UROC1: variants seen among roughly 807,000 people sequenced by gnomAD.
UROC1 encodes the protein urocanate hydratase.
Under a neutral mutation model 89.5 loss-of-function variants are expected in UROC1, and 79 were observed. The observed-to-expected ratio is 0.88, with a 90% CI of 0.74 to 1.06. The LOEUF is 1.06. Among genes scored for constraint, UROC1 ranks in the 50% least tolerant of loss-of-function variants. UROC1 has a pLI of 0.00. For missense variants in UROC1, 885 were observed against 907.8 expected, an observed-to-expected ratio of 0.97 and a Z score of 0.32; for synonymous variants, 361 against 354.8, an observed-to-expected ratio of 1.02 and a Z score of -0.20.
rs376229602 is a variant in UROC1 at position 126,500,682 on chromosome 3, C to T, written c.1145+13G>A. 53 of 1,614,038 alleles carry T rather than the reference C, an allele frequency of 3.3e-5. No homozygotes were observed. The highest frequency in any genetic ancestry group is 4.3e-5 in the Non-Finnish European group (51 of 1,180,052). ...GGCCAAATGCTTCTGCCACCCCCAA[C>T]TCCAAGTAGCACCTTTCCTGGACCA... On this transcript the variant is annotated intron_variant, in intron 11 of 19. Coordinates refer to ENST00000290868, the MANE Select transcript of UROC1 (RefSeq NM_144639.3).
intron 18 of UROC1, among the ~76,000 whole-genome samples, chr3:126,483,950 G>A (rs1270043127): frequency 6.6e-6 from 1 of 152,194 alleles, no homozygotes; most frequent in Non-Finnish European, 1.5e-5. Flanking sequence ...ATCCTGGCCT[G>A]AAGCAATCCT....
rs138202696 is a variant in UROC1 at position 126,515,011 on chromosome 3, G to A, written c.126+2583C>T. ...GTCAAGCAGCAGGACTCAGGGAGCC[G>A]CCCGTAGCCCTCAGAACTGCACCCG... On this transcript the variant is annotated intron_variant, in intron 1 of 19. Transcript: ENST00000290868. Among the ~76,000 whole-genome samples, 21 of 152,120 alleles carry A rather than the reference G, an allele frequency of 1.4e-4. No individual in the cohort carries two copies. The East Asian group carries it at 2.5e-3, about 18-fold the overall frequency.
At chr3:126,492,551 C>A in intron 15 of UROC1, 35 bp from the exon 16 acceptor site, 1 of 1,560,286 alleles carries the variant, frequency 6.4e-7, no homozygotes, top group African/African-American at 1.4e-5. Context: ...TCTCAGCCAA[C>A]ATAGGCAGCA....
At chr3:126,503,965 A>AG (rs1935995926) in intron 9 of UROC1, 30 bp downstream of exon 9, 2 of 1,613,134 alleles carry the variant, frequency 1.2e-6, no homozygotes, top group African/African-American at 2.7e-5. Context: ...GTCAGGTGTC[A>AG]GGTGTCCGGA....
chr3:126,483,680 G>A (rs1025037019), intron 18 of UROC1, among the ~76,000 whole-genome samples: 1 of 152,208 alleles, frequency 6.6e-6, no homozygotes, highest in South Asian at 2.1e-4. Flanking sequence ...GCCCACTTGT[G>A]CCCCCTGTGC....
chr3:126,501,161 C>A, intron 10 of UROC1, 57 bp downstream of exon 10: 1 of 1,575,618 alleles, frequency 6.3e-7, no homozygotes, highest in Non-Finnish European at 8.7e-7. Flanking sequence ...GAGGTCTTTG[C>A]TCAGGGGGCC....
intron 18 of UROC1, among the ~76,000 whole-genome samples, chr3:126,486,026 C>T (rs1576709208): frequency 6.6e-6 from 1 of 152,222 alleles, no homozygotes; most frequent in Admixed American, 6.5e-5. Flanking sequence ...AGCTCCAGCG[C>T]AGTGTGGCCA....
intron 2 of UROC1, 71 bp downstream of exon 2, chr3:126,510,593 C>T: frequency 1.9e-6 from 3 of 1,594,500 alleles, no homozygotes; most frequent in Non-Finnish European, 2.6e-6. Context: ...TTGTTCCTGG[C>T]CCCCAGCACA....
At chr3:126,509,401 A>G (rs1000693718) in intron 3 of UROC1, among the ~76,000 whole-genome samples, 184 bp downstream of exon 3, 1 of 152,194 alleles carries the variant, frequency 6.6e-6, no homozygotes, top group South Asian at 2.1e-4. Flanking sequence ...TTGAGGCTGT[A>G]CTATAGACAC....
At chr3:126,491,273 G>A (rs1453758666) in intron 16 of UROC1, among the ~76,000 whole-genome samples, 1 of 152,224 alleles carries the variant, frequency 6.6e-6, no homozygotes, top group Non-Finnish European at 1.5e-5. Flanking sequence ...CGCAATGTGT[G>A]CCTTCAGCTT....
chr3:126,502,255 GT>G (rs1935942638), intron 9 of UROC1, among the ~76,000 whole-genome samples: 1 of 150,650 alleles, frequency 6.6e-6, no homozygotes, highest in African/African-American at 2.4e-5. Flanking sequence ...GTGTGTTTAT[GT>G]GTGTGTGCGC....
chr3:126,491,593 C>A (rs1474307638), intron 16 of UROC1, among the ~76,000 whole-genome samples: 1 of 152,238 alleles, frequency 6.6e-6, no homozygotes, highest in East Asian at 1.9e-4. Context: ...CCAGGGCAGT[C>A]TTCATACCTC....
At chr3:126,498,288 C>T (rs1935831665) in intron 13 of UROC1, 116 bp from the exon 14 acceptor site, 15 of 1,569,526 alleles carry the variant, frequency 9.6e-6, no homozygotes, top group Non-Finnish European at 1.2e-5. Flanking sequence ...GTGGAACCCC[C>T]TAAGCTGTCA....
intron 16 of UROC1, among the ~76,000 whole-genome samples, chr3:126,490,943 T>A (rs1375294798): frequency 6.6e-6 from 1 of 152,194 alleles, no homozygotes; most frequent in Non-Finnish European, 1.5e-5. Context: ...CAGGTAGCGC[T>A]GGTTGATGGG....
chr3:126,502,060 ATGTATG>A, intron 9 of UROC1: 1 of 1,132,092 alleles, frequency 8.8e-7, no homozygotes, highest in Non-Finnish European at 1.2e-6. Context: ...ACTGATTTTG[ATGTATG>A]TGTATGTGTG....
intron 18 of UROC1, among the ~76,000 whole-genome samples, chr3:126,485,595 A>ATTTT (rs372817173): frequency 7.4e-6 from 1 of 134,700 alleles, no homozygotes. Flanking sequence ...CCATTTATTT[A>ATTTT]TTTATTTTTT....
rs890890812 is a variant in UROC1 at position 126,500,958 on chromosome 3, C to T, written c.966-84G>A. ...GGCCAGCCAGGTGGGGACCCTAGCA[C>T]ATTTTCCCACCCACAAATCCAGCAG... On this transcript the variant is annotated intron_variant, in intron 10 of 19. Transcript: ENST00000290868. 18 of 1,550,530 alleles carry T rather than the reference C, an allele frequency of 1.2e-5. No homozygotes were observed. In the Admixed American group the frequency reaches 2.7e-4, roughly 23 times the overall value.
At chr3:126,504,705 G>A (rs1195058010) in intron 8 of UROC1, among the ~76,000 whole-genome samples, 1 of 152,202 alleles carries the variant, frequency 6.6e-6, no homozygotes, top group Admixed American at 6.5e-5. Flanking sequence ...GCACAGGTAC[G>A]TATGATGTAG....
At chr3:126,494,738 T>C (rs1392017317) in intron 15 of UROC1, among the ~76,000 whole-genome samples, 2 of 152,306 alleles carry the variant, frequency 1.3e-5, no homozygotes, top group South Asian at 2.1e-4. Flanking sequence ...TCTGCCTCGA[T>C]TGTCACATGG....
Sources: gnomAD v4.1 joint callset for allele counts (sites outside exome capture counted in the v4.1 genomes callset) on GRCh38, gnomAD v4.1.1 for gene constraint, MANE v1.5 for transcripts, NCBI Gene and HGNC (gene_info 2026-07-23, HGNC 2026-07-21) for gene names.